The following DLG2 variants were observed in gnomAD, a reference collection of about 807,000 sequenced individuals.
The protein encoded by DLG2 is discs large MAGUK scaffold protein 2.
In DLG2, 45 loss-of-function variants were observed where a neutral mutation model predicts 132.5. The observed-to-expected ratio is 0.34, with a 90% CI of 0.27 to 0.44. The LOEUF (loss-of-function observed/expected upper bound fraction) is 0.44, where lower values mean the gene tolerates loss of function less well. Ranked by LOEUF, DLG2 falls within the 20% of genes least tolerant of loss-of-function variation. The pLI is 1.00. For synonymous variants in DLG2, 424 were observed against 419.6 expected, an observed-to-expected ratio of 1.01 and a Z score of -0.13; for missense variants, 1,045 against 1,196.9, an observed-to-expected ratio of 0.87 and a Z score of 1.87.
At chr11:85,293,195 G>C (rs1187382563) in intron 3 of DLG2, among the ~76,000 whole-genome samples, 2 of 152,044 alleles carry the variant, frequency 1.3e-5, no homozygotes, top group Non-Finnish European at 2.9e-5. Flanking sequence ...ATCATTGAGG[G>C]ATTCTGCAAC....
chr11:84,426,630 A>G (rs1421336502), intron 7 of DLG2, among the ~76,000 whole-genome samples: 5 of 152,186 alleles, frequency 3.3e-5, no homozygotes, highest in South Asian at 4.1e-4. Flanking sequence ...ATTATTATCT[A>G]CGAAAGGAAG....
chr11:83,780,860 T>G (rs2094788225), intron 18 of DLG2, among the ~76,000 whole-genome samples: 1 of 152,154 alleles, frequency 6.6e-6, no homozygotes, highest in Non-Finnish European at 1.5e-5. Context: ...CTCATGTGAC[T>G]TTGCCCAGTT....
At chr11:84,757,836 G>A (rs2067088579) in intron 6 of DLG2, among the ~76,000 whole-genome samples, 1 of 152,166 alleles carries the variant, frequency 6.6e-6, no homozygotes, top group Non-Finnish European at 1.5e-5. Context: ...CATTAGCCAA[G>A]TCTATCCCGT....
intron 19 of DLG2, among the ~76,000 whole-genome samples, chr11:83,548,311 G>A (rs1276423414): frequency 3.3e-5 from 5 of 152,144 alleles, no homozygotes; most frequent in Non-Finnish European, 5.9e-5. Flanking sequence ...CCTAGATTAT[G>A]TGGGTGGGCC....
intron 6 of DLG2, among the ~76,000 whole-genome samples, chr11:84,744,898 TA>T (rs758776805): frequency 0.19 from 13,883 of 71,800 alleles, 680 homozygotes; most frequent in African/African-American, 0.29. Flanking sequence ...AGTAAAGGTC[TA>T]AAAAAAAAAA....
At chr11:85,430,788 T>C (rs1255498468) in intron 3 of DLG2, among the ~76,000 whole-genome samples, 1 of 147,528 alleles carries the variant, frequency 6.8e-6, no homozygotes, top group Non-Finnish European at 1.5e-5. Flanking sequence ...CAACACTCAA[T>C]CAGGAAAACA....
intron 6 of DLG2, among the ~76,000 whole-genome samples, chr11:84,852,987 G>A (rs4375458): frequency 0.53 from 79,876 of 151,828 alleles, 22,223 homozygotes; most frequent in African/African-American, 0.7. Context: ...AGGAAGAAAA[G>A]CAAAATTGGA....
chr11:84,523,256 C>A (rs547038456), intron 7 of DLG2, among the ~76,000 whole-genome samples: 47 of 152,196 alleles, frequency 3.1e-4, no homozygotes, highest in Admixed American at 9.2e-4. Flanking sequence ...AGACTTTCCA[C>A]GTATTATCTC....
chr11:84,052,821 G>A (rs1258761726), intron 11 of DLG2, among the ~76,000 whole-genome samples: 1 of 151,838 alleles, frequency 6.6e-6, no homozygotes, highest in African/African-American at 2.4e-5. Flanking sequence ...TTACATTGTT[G>A]GTAGGAACAT....
At chr11:83,500,292 T>A (rs2094399220) in intron 21 of DLG2, among the ~76,000 whole-genome samples, 1 of 152,066 alleles carries the variant, frequency 6.6e-6, no homozygotes, top group South Asian at 2.1e-4. Flanking sequence ...CTAGAGTAAT[T>A]AGGCAAGCCT....
At chr11:84,098,560 C>T (rs1234010440) in intron 10 of DLG2, among the ~76,000 whole-genome samples, 1 of 152,150 alleles carries the variant, frequency 6.6e-6, no homozygotes, top group Non-Finnish European at 1.5e-5. Flanking sequence ...TACAACGTTG[C>T]TTTACTTGCT....
intron 6 of DLG2, among the ~76,000 whole-genome samples, chr11:84,853,112 G>A (rs1473835391): frequency 6.6e-6 from 1 of 151,958 alleles, no homozygotes; most frequent in East Asian, 1.9e-4. Context: ...AAAACTTGAG[G>A]TTCAGAGTGG....
At chr11:84,945,911 T>A (rs1348310301) in intron 6 of DLG2, among the ~76,000 whole-genome samples, 1 of 152,068 alleles carries the variant, frequency 6.6e-6, no homozygotes, top group Non-Finnish European at 1.5e-5. Flanking sequence ...AGCTGGTACC[T>A]TAGCCACAAG....
chr11:84,549,868 C>T (rs546113547), intron 6 of DLG2, among the ~76,000 whole-genome samples: 2 of 152,194 alleles, frequency 1.3e-5, no homozygotes, highest in South Asian at 2.1e-4. Context: ...ATTCTCCCAC[C>T]TCAGACTCCT....
intron 19 of DLG2, among the ~76,000 whole-genome samples, chr11:83,616,995 G>A (rs1241190238): frequency 6.6e-6 from 1 of 152,040 alleles, no homozygotes; most frequent in Non-Finnish European, 1.5e-5. Flanking sequence ...TTATTCCATT[G>A]GTCTACTTGT....
rs549873327 is a variant in DLG2, at chr11:83,945,099, G to A, written c.1341-14616C>T. Among the ~76,000 whole-genome samples, 4 of 152,154 alleles carry A rather than the reference G, an allele frequency of 2.6e-5. No individual in the cohort carries two copies. The South Asian group carries it at 6.2e-4, about 24-fold the overall frequency. On this transcript the variant is annotated intron_variant, in intron 14 of 27. Coordinates refer to ENST00000376104, the MANE Select transcript of DLG2 (RefSeq NM_001142699.3). ...AATCTGTACAACAACAAACTTTCAC[G>A]GTGGATATTACATATAGCTTTTGCA...
intron 3 of DLG2, chr11:85,469,749 T>A (rs966224780): frequency 6.6e-6 from 1 of 152,238 alleles, no homozygotes; most frequent in Non-Finnish European, 1.5e-5. Flanking sequence ...CCTTAAGTAT[T>A]TGGTTTTCCA....
At chr11:83,627,442 C>T (rs1360589827) in intron 19 of DLG2, among the ~76,000 whole-genome samples, 1 of 152,032 alleles carries the variant, frequency 6.6e-6, no homozygotes, top group Admixed American at 6.6e-5. Context: ...CAATTCCCAC[C>T]TATGAGTGAG....
At chr11:85,576,832 A>C (rs1177890903) in intron 3 of DLG2, among the ~76,000 whole-genome samples, 1 of 152,174 alleles carries the variant, frequency 6.6e-6, no homozygotes. Context: ...AACAGAAAAA[A>C]GAGTAACGGG....
Sources: gnomAD v4.1 joint callset for allele counts (sites outside exome capture counted in the v4.1 genomes callset) on GRCh38, gnomAD v4.1.1 for gene constraint, MANE v1.5 for transcripts, NCBI Gene and HGNC (gene_info 2026-07-23, HGNC 2026-07-21) for gene names.